The following DTNA variants were observed in gnomAD, a reference collection of about 807,000 sequenced individuals.
DTNA encodes dystrobrevin alpha.
In DTNA, 43 loss-of-function variants were observed where a neutral mutation model predicts 100.7. That is an observed-to-expected ratio of 0.43 (90% CI 0.33 to 0.55). The LOEUF is 0.55. DTNA is among the 20% of genes least tolerant of loss of function. The pLI, the probability that DTNA is intolerant of heterozygous loss-of-function variation, is 0.04. For synonymous variants in DTNA, 349 were observed against 347.9 expected (o/e 1.00, Z -0.04); for missense variants, 798 against 953.9 (o/e 0.84, Z 2.15).
At chr18:34,582,073 T>C (rs2048705430) in intron 1 of DTNA, among the ~76,000 whole-genome samples, 1 of 149,256 alleles carries the variant, frequency 6.7e-6, no homozygotes, top group African/African-American at 2.5e-5. Flanking sequence ...CATAATGATT[T>C]TTAAGGCCAA....
intron 1 of DTNA, among the ~76,000 whole-genome samples, chr18:34,578,423 G>A (rs2048320763): frequency 6.7e-6 from 1 of 149,550 alleles, no homozygotes; most frequent in Admixed American, 6.6e-5. Context: ...CCCACTCTGT[G>A]GGCTGCCTGC....
intron 16 of DTNA, among the ~76,000 whole-genome samples, chr18:34,859,776 C>T (rs1211134213): frequency 6.6e-6 from 1 of 151,736 alleles, no homozygotes; most frequent in East Asian, 1.9e-4. Flanking sequence ...TTTCAGTGCA[C>T]TTCTCAGAGT....
In DTNA at chr18:34,565,907, G is replaced by A. The variant is rs187226397; in HGVS notation, c.-2+72393G>A. ...CTCCATTGCAGATCGGGTTTGAGGAGAGAGGGAAAACACATAGTGAGGTAT... is the reference window on the plus strand; with the variant it reads ...CTCCATTGCAGATCGGGTTTGAGGAAAGAGGGAAAACACATAGTGAGGTAT... On this transcript the variant is annotated intron_variant, in intron 1 of 19. Transcript: ENST00000283365. Among the ~76,000 whole-genome samples, 260 of 152,334 alleles carry A rather than the reference G, an allele frequency of 1.7e-3. 1 individual carries two copies. The highest frequency in any genetic ancestry group is 0.014 in the Middle Eastern group (4 of 294).
At chr18:34,647,555 A>T (rs930282588) in intron 1 of DTNA, among the ~76,000 whole-genome samples, 6 of 152,210 alleles carry the variant, frequency 3.9e-5, no homozygotes, top group African/African-American at 1.4e-4. Context: ...TGCCAGGAAG[A>T]GGAGAACAGT....
Position 34,888,460 on chromosome 18 carries a change from G to A in DTNA, c.*726G>A. 1.0e-6 allele frequency: 1 copy of A among 985,460 alleles called. No homozygotes were observed. The highest frequency in any genetic ancestry group is 1.2e-6 in the Non-Finnish European group (1 of 829,880). The allele number at this position is 985,460 out of a possible 1,614,324, so 61.0% of individuals were successfully genotyped here. A position where few individuals can be genotyped will look rare whatever the true frequency, so the allele number is the denominator to read the frequency against. ...ACACCAGGAATAATCCATTCTTTGGGGCCTCTTTCCAACTCGAGGTTGTTT... is the reference window on the plus strand; with the variant it reads ...ACACCAGGAATAATCCATTCTTTGGAGCCTCTTTCCAACTCGAGGTTGTTT... On this transcript the variant is annotated 3_prime_UTR_variant, in exon 23 of 23. Coordinates refer to ENST00000444659, the MANE Select transcript of DTNA (RefSeq NM_001386795.1).
At chr18:34,548,899 G>C (rs1428129771) in intron 1 of DTNA, among the ~76,000 whole-genome samples, 1 of 152,108 alleles carries the variant, frequency 6.6e-6, no homozygotes, top group African/African-American at 2.4e-5. Context: ...GAAACAGGAA[G>C]CAAGTCTGTG....
At chr18:34,508,218 C>A (rs991528368) in intron 1 of DTNA, among the ~76,000 whole-genome samples, 16 of 152,162 alleles carry the variant, frequency 1.1e-4, no homozygotes, top group Non-Finnish European at 1.8e-4. Flanking sequence ...CTAGAGATGA[C>A]ACCCATCATT....
chr18:34,597,816 A>G (rs2050953863), intron 1 of DTNA, among the ~76,000 whole-genome samples: 1 of 150,348 alleles, frequency 6.7e-6, no homozygotes, highest in Non-Finnish European at 1.5e-5. Flanking sequence ...TTTGTGGGAA[A>G]ACCCCACTTT....
intron 9 of DTNA, among the ~76,000 whole-genome samples, chr18:34,823,661 C>G (rs1348572878): frequency 7.9e-5 from 12 of 152,194 alleles, no homozygotes; most frequent in Admixed American, 7.9e-4. Context: ...AGCTATAGCT[C>G]TGTCTTGGTC....
In DTNA at chr18:34,620,974, A is replaced by C. The variant is rs529282794; in HGVS notation, c.-2+127460A>C. Among the ~76,000 whole-genome samples the C allele has an allele frequency of 3.3e-5, 5 of 151,998 alleles. No individual in the cohort carries two copies. In the East Asian group the frequency reaches 9.7e-4, roughly 29 times the overall value. ...TGCTTTGGGAGCAATTGCATAAAAT[A>C]CCATTTTAAAAAAACCCAGCTATTT... On this transcript the variant is annotated intron_variant, in intron 1 of 19. Coordinates refer to the DTNA transcript ENST00000283365.
chr18:34,879,411 TA>T, intron 19 of DTNA, 139 bp from the exon 20 acceptor site: 1 of 834,350 alleles, frequency 1.2e-6, no homozygotes, highest in Non-Finnish European at 1.9e-6. Flanking sequence ...TTTGAAACAA[TA>T]AAAATGTATT....
intron 22 of DTNA, among the ~76,000 whole-genome samples, chr18:34,885,569 C>T (rs1178958810): frequency 2.0e-5 from 3 of 152,164 alleles, no homozygotes; most frequent in Non-Finnish European, 4.4e-5. Context: ...AATTATTAAA[C>T]CCGTATTACC....
At chr18:34,565,561 T>G (rs2047010003) in intron 1 of DTNA, among the ~76,000 whole-genome samples, 1 of 152,190 alleles carries the variant, frequency 6.6e-6, no homozygotes, top group Non-Finnish European at 1.5e-5. Context: ...GCAGGCTAAG[T>G]GGGTGGTTCC....
At chr18:34,520,608 C>T (rs1048659517) in intron 1 of DTNA, among the ~76,000 whole-genome samples, 1 of 152,090 alleles carries the variant, frequency 6.6e-6, no homozygotes, top group Non-Finnish European at 1.5e-5. Flanking sequence ...GAGCCGAGAT[C>T]TTGCCATTGC....
intron 1 of DTNA, among the ~76,000 whole-genome samples, chr18:34,689,837 C>G (rs967155369): frequency 1.3e-5 from 2 of 152,206 alleles, no homozygotes; most frequent in African/African-American, 4.8e-5. Flanking sequence ...TTCAGAGATG[C>G]CCTGCCCAGA....
intron 1 of DTNA, among the ~76,000 whole-genome samples, chr18:34,662,538 C>T (rs908137777): frequency 1.3e-5 from 2 of 152,142 alleles, no homozygotes; most frequent in African/African-American, 2.4e-5. Context: ...GGACAAAAAT[C>T]TCAGTCTCAC....
intron 17 of DTNA, chr18:34,866,586 AT>A: frequency 3.0e-6 from 3 of 1,011,282 alleles, no homozygotes; most frequent in Non-Finnish European, 3.6e-6. Context: ...GTTCGGTTTC[AT>A]TTTACTGAAA....
chr18:34,723,886 C>T (rs1236264630), intron 1 of DTNA, among the ~76,000 whole-genome samples: 1 of 150,280 alleles, frequency 6.7e-6, no homozygotes, highest in South Asian at 2.1e-4. Context: ...GCAACAAGAG[C>T]GAGATTCTGT....
At chr18:34,867,360 T>A in intron 17 of DTNA, 4 of 1,229,798 alleles carry the variant, frequency 3.3e-6, no homozygotes, top group African/African-American at 1.6e-5. Flanking sequence ...GTGAAAAAAA[T>A]TACTTTACTA....
Sources: allele counts gnomAD v4.1 joint callset (sites outside exome capture counted in the v4.1 genomes callset), GRCh38; gene constraint gnomAD v4.1.1; transcripts MANE v1.5; gene names NCBI Gene and HGNC (gene_info 2026-07-23, HGNC 2026-07-21).